Variants in CRB1 observed in about 807,000 individuals in gnomAD.
CRB1 encodes crumbs cell polarity complex component 1.
A neutral mutation model predicts 120.0 loss-of-function variants in CRB1; 83 were observed. The observed-to-expected ratio is 0.69, with a 90% CI of 0.58 to 0.83. The LOEUF is 0.83. Ranked by LOEUF, CRB1 falls within the 40% of genes least tolerant of loss-of-function variation. The probability of loss-of-function intolerance (pLI) is 0.00; values close to 1 mark genes in which losing one functional copy is unlikely to be tolerated. For missense variants in CRB1, 1,699 were observed against 1,687.6 expected (o/e 1.01, Z -0.12); for synonymous variants, 625 against 612.5 (o/e 1.02, Z -0.30).
At position 197,314,926 on chromosome 1, in the gene CRB1, T is replaced by C. The variant is rs561081143; in HGVS notation, c.71-13496T>C. On this transcript the variant is annotated intron_variant, in intron 1 of 11. Transcript: ENST00000367400. Reference sequence around the variant, plus strand: ...TAATGAGTCTTTTGAGCCCATCCTCTGAGTGGCTCTTTCTTCTCTGGTGCT... The same window carrying C: ...TAATGAGTCTTTTGAGCCCATCCTCCGAGTGGCTCTTTCTTCTCTGGTGCT... Among the ~76,000 whole-genome samples, 18 of 152,328 alleles carry C rather than the reference T, an allele frequency of 1.2e-4. No individual in the cohort carries two copies. The South Asian group carries it at 3.7e-3, about 32-fold the overall frequency.
the CRB1 span, among the ~76,000 whole-genome samples, chr1:197,253,428 G>T: frequency 6.6e-6 from 1 of 151,986 alleles, no homozygotes; most frequent in African/African-American, 2.4e-5. Context: ...TTAACACAGT[G>T]TATCATTATG....
At chr1:197,215,767 C>A in the CRB1 span, among the ~76,000 whole-genome samples, 1 of 152,112 alleles carries the variant, frequency 6.6e-6, no homozygotes, top group Non-Finnish European at 1.5e-5. Flanking sequence ...GAGGCCTTCC[C>A]AGCCATGCAG....
chr1:197,470,543 T>C (rs1035341431), intron 11 of CRB1, among the ~76,000 whole-genome samples: 2 of 152,238 alleles, frequency 1.3e-5, no homozygotes, highest in Non-Finnish European at 2.9e-5. Flanking sequence ...TTGGTTCTTG[T>C]ATGAGATGAG....
intron 5 of CRB1, among the ~76,000 whole-genome samples, chr1:197,383,201 T>C (rs1389033676): frequency 6.6e-6 from 1 of 152,130 alleles, no homozygotes; most frequent in Admixed American, 6.6e-5. Flanking sequence ...TAGGATCTTT[T>C]AGTCAAAACA....
intron 5 of CRB1, among the ~76,000 whole-genome samples, chr1:197,366,625 G>A (rs995620840): frequency 6.6e-6 from 1 of 152,292 alleles, no homozygotes; most frequent in South Asian, 2.1e-4. Flanking sequence ...GTTAGAAATA[G>A]AGAGAGCATG....
chr1:197,442,248 T>G lies in CRB1; in HGVS notation c.3961T>G (p.Cys1321Gly), dbSNP rs62635649. ...CCAGGACTTACTCAACAAATTCCAG[T>G]GCCTCTGTGATGTTGCCTTTGCTGG... is the stretch of plus-strand genomic sequence containing the variant. ...LCQDLLNKFQ[C>G]LCDVAFAGER... The change falls in exon 11 of 12, where the codon TGC (cysteine) becomes GGC (glycine). Residue 1321 changes from cysteine to glycine, a missense_variant. Cys to Gly is a radical substitution (Grantham distance 159, BLOSUM62 -3). Coordinates refer to ENST00000367400, the MANE Select transcript of CRB1 (RefSeq NM_201253.3). The G allele has an allele frequency of 1.2e-6, 2 of 1,614,232 alleles. No individual in the cohort carries two copies. Among genetic ancestry groups the G allele is most frequent in the South Asian group, 1.1e-5 (1 of 91,086 alleles).
intron 11 of CRB1, 107 bp downstream of exon 11, chr1:197,442,399 G>T (rs756409106): frequency 6.2e-7 from 1 of 1,605,148 alleles, no homozygotes; most frequent in South Asian, 1.1e-5. Context: ...GTTGAGTGGG[G>T]TGAACAGGAA....
chr1:197,290,906 T>C (rs1202847050), intron 1 of CRB1, among the ~76,000 whole-genome samples: 2 of 151,818 alleles, frequency 1.3e-5, no homozygotes, highest in South Asian at 2.1e-4. Flanking sequence ...CCTGGCTCTC[T>C]GGTACTAAAT....
chr1:197,350,459 G>A (rs911743355), intron 4 of CRB1, among the ~76,000 whole-genome samples: 2 of 152,200 alleles, frequency 1.3e-5, no homozygotes, highest in Non-Finnish European at 1.5e-5. Flanking sequence ...AGTTTGTAAT[G>A]GAGTCAGGCA....
chr1:197,347,983 A>C (rs1056680464), intron 4 of CRB1, among the ~76,000 whole-genome samples: 12 of 152,248 alleles, frequency 7.9e-5, no homozygotes, highest in Admixed American at 2.6e-4. Flanking sequence ...TACAAGAATC[A>C]ATAGAAAACA....
At chr1:197,462,193 T>A (rs1162147486) in intron 11 of CRB1, among the ~76,000 whole-genome samples, 1 of 152,186 alleles carries the variant, frequency 6.6e-6, no homozygotes, top group Non-Finnish European at 1.5e-5. Context: ...GGCAGAAATG[T>A]GCCACTGCAA....
At chr1:197,475,568 C>T (rs1667162578) in intron 11 of CRB1, among the ~76,000 whole-genome samples, 1 of 152,176 alleles carries the variant, frequency 6.6e-6, no homozygotes. Context: ...CCTACACTAT[C>T]TCCCATCCTC....
At chr1:197,385,578 A>G (rs906835654) in intron 5 of CRB1, among the ~76,000 whole-genome samples, 2 of 152,096 alleles carry the variant, frequency 1.3e-5, no homozygotes, top group East Asian at 3.9e-4. Flanking sequence ...TACAAGTAAT[A>G]ATAACATGTT....
intron 5 of CRB1, among the ~76,000 whole-genome samples, chr1:197,363,260 G>A (rs1660874907): frequency 6.6e-6 from 1 of 151,328 alleles, no homozygotes; most frequent in Non-Finnish European, 1.5e-5. Flanking sequence ...ACTCCATTGT[G>A]TTTACTTATG....
chr1:197,271,336 G>A lies in CRB1; in HGVS notation c.70+2854G>A, dbSNP rs1654896712. Among the ~76,000 whole-genome samples the A allele has an allele frequency of 2.6e-5, 4 of 152,246 alleles. No homozygotes were observed. In the South Asian group the frequency reaches 8.3e-4, roughly 32 times the overall value. Reference sequence around the variant, plus strand: ...AAATAATCACCTCCAGCTCCATACTGTATTTTGTATCTAAAGTTCTACCTT... The same window carrying A: ...AAATAATCACCTCCAGCTCCATACTATATTTTGTATCTAAAGTTCTACCTT... On this transcript the variant is annotated intron_variant, in intron 1 of 11. Transcript: ENST00000367400.
chr1:197,280,617 C>G (rs1238001484), intron 1 of CRB1, among the ~76,000 whole-genome samples: 1 of 151,754 alleles, frequency 6.6e-6, no homozygotes, highest in Non-Finnish European at 1.5e-5. Context: ...TTTTAAAACT[C>G]TAATAGGCAG....
the CRB1 span, among the ~76,000 whole-genome samples, chr1:197,236,312 G>T: frequency 6.8e-6 from 1 of 147,232 alleles, no homozygotes; most frequent in Admixed American, 6.9e-5. Context: ...CGATTCTCCC[G>T]CCTCAGCCTC....
chr1:197,238,692 A>G, the CRB1 span, among the ~76,000 whole-genome samples: 2 of 152,182 alleles, frequency 1.3e-5, no homozygotes, highest in East Asian at 3.9e-4. Flanking sequence ...CTAAAAATAC[A>G]AAATTAGCCA....
intron 5 of CRB1, among the ~76,000 whole-genome samples, chr1:197,359,250 C>A (rs1426953098): frequency 6.6e-6 from 1 of 152,160 alleles, no homozygotes; most frequent in Non-Finnish European, 1.5e-5. Flanking sequence ...CATCCCTTAT[C>A]CCTGGCAAAT....
Sources: allele counts gnomAD v4.1 joint callset (sites outside exome capture counted in the v4.1 genomes callset), GRCh38; gene constraint gnomAD v4.1.1; transcripts MANE v1.5; gene names NCBI Gene and HGNC (gene_info 2026-07-23, HGNC 2026-07-21).